NEK9: variants seen among roughly 807,000 people sequenced by gnomAD.
NEK9 encodes the protein NIMA related kinase 9.
NEK9 carries 75 observed loss-of-function variants against 123.4 expected under a neutral mutation model. That is an observed-to-expected ratio of 0.61 (90% CI 0.50 to 0.74). The LOEUF (loss-of-function observed/expected upper bound fraction) is 0.74, where lower values mean the gene tolerates loss of function less well. NEK9 is among the 30% of genes least tolerant of loss of function. The pLI, the probability that NEK9 is intolerant of heterozygous loss-of-function variation, is 0.00. For synonymous variants in NEK9, 438 were observed against 458.7 expected (o/e 0.95, Z 0.58); for missense variants, 952 against 1,214.4 (o/e 0.78, Z 3.21).
chr14:75,091,049 T>G (rs1894198734), intron 19 of NEK9, among the ~76,000 whole-genome samples: 1 of 152,216 alleles, frequency 6.6e-6, no homozygotes, highest in South Asian at 2.1e-4. Context: ...TTATAATACA[T>G]TCACTTAAGT....
intron 14 of NEK9, among the ~76,000 whole-genome samples, chr14:75,102,513 G>GTTT (rs35499335): frequency 1.4e-5 from 2 of 146,146 alleles, no homozygotes; most frequent in Non-Finnish European, 3.0e-5. Flanking sequence ...ACACCTGGCT[G>GTTT]TTTTTTTTTT....
intron 19 of NEK9, among the ~76,000 whole-genome samples, chr14:75,090,269 T>C (rs1429184672): frequency 6.6e-6 from 1 of 151,522 alleles, no homozygotes; most frequent in African/African-American, 2.4e-5. Flanking sequence ...GGAGCCATCA[T>C]GCTCGGTCTT....
At position 75,088,539 on chromosome 14, in the gene NEK9, G is replaced by C. The variant is rs555962390; in HGVS notation, c.2545C>G (p.Gln849Glu). The C allele has an allele frequency of 1.2e-6, 2 of 1,614,100 alleles. No homozygotes were observed. Among genetic ancestry groups the C allele is most frequent in the Non-Finnish European group, 1.7e-6 (2 of 1,179,988 alleles). The change falls in exon 20 of 22, where the codon CAA becomes GAA. Residue 849 changes from glutamine to glutamate, a missense_variant. By Grantham distance (29) the Gln-to-Glu change is conservative. Coordinates refer to ENST00000238616, the MANE Select transcript of NEK9 (RefSeq NM_033116.6). ...EKDTLPYEEL[Q>E]GLKVASEAPL... is the part of the protein sequence containing the mutation. ...GCTTCAGAGGCCACTTTGAGTCCTT[G>C]CAGCTCTTCATAGGGCAGGGTATCT...
Position 75,101,035 on chromosome 14 carries a change from G to A in NEK9, c.1959C>T (p.Ile653=). The A allele has an allele frequency of 6.2e-7, 1 of 1,614,122 alleles. No homozygotes were observed. The highest frequency in any genetic ancestry group is 1.1e-5 in the South Asian group (1 of 91,086). ...TAAACTCATCACCGCAGGAGACCCT[G>A]ATCACTTGCTTCCCACCAAGGGGTC... ...LGGPLGGKQV[I]RVSCGDEFTI... is the part of the protein sequence containing the mutation. The change falls in exon 16 of 22, where the codon ATC becomes ATT. Residue 653 remains isoleucine, a synonymous_variant. Coordinates refer to ENST00000238616, the MANE Select transcript of NEK9 (RefSeq NM_033116.6).
At chr14:75,114,022 T>C (rs1232171776) in intron 7 of NEK9, among the ~76,000 whole-genome samples, 181 bp downstream of exon 7, 5 of 152,192 alleles carry the variant, frequency 3.3e-5, no homozygotes, top group Non-Finnish European at 7.3e-5. Context: ...AAGTAAGAAT[T>C]TGTTCACTGA....
intron 2 of NEK9, 132 bp downstream of exon 2, chr14:75,123,914 G>T: frequency 1.3e-6 from 1 of 767,376 alleles, no homozygotes; most frequent in Non-Finnish European, 1.9e-6. Context: ...GGCCTGAAAA[G>T]TTTCTCTTAA....
chr14:75,101,186 C>A lies in NEK9; in HGVS notation c.1841-33G>T, dbSNP rs200300897. Reference sequence around the variant, plus strand: ...AGAAGCAAAAAGAAATAACAAGGCACAAATGAGTCCTGGAACCCAGAGAAG... The same window carrying A: ...AGAAGCAAAAAGAAATAACAAGGCAAAAATGAGTCCTGGAACCCAGAGAAG... On this transcript the variant is annotated intron_variant, in intron 15 of 21. Coordinates refer to ENST00000238616, the MANE Select transcript of NEK9 (RefSeq NM_033116.6). 1.9e-5 allele frequency: 31 copies of A among 1,595,716 alleles called. No homozygotes were observed. The Admixed American group carries it at 5.5e-4, about 28-fold the overall frequency.
At position 75,087,212 on chromosome 14, in the gene NEK9, C is replaced by A. The variant is rs1894056552; in HGVS notation, c.2623G>T (p.Ala875Ser). Residue 875 changes from alanine to serine, a missense_variant, in exon 21 of 22, where the codon GCA becomes TCA. By Grantham distance (99) the Ala-to-Ser change is moderately conservative (BLOSUM62 1). This residue lies in a region of NEK9 where 698 missense variants were observed against 875.6 expected (regional missense o/e 0.80). Coordinates refer to ENST00000238616, the MANE Select transcript of NEK9 (RefSeq NM_033116.6). ...VEASSPRLNP[A>S]VTCAGKGTPL... is the part of the protein sequence containing the mutation. ...GTTCCCTTCCCAGCACAGGTTACTG[C>A]AGGATTCAGCCGAGGTGACTAGAGA... is the stretch of plus-strand genomic sequence containing the variant. 1 of 1,611,586 alleles carries A rather than the reference C, an allele frequency of 6.2e-7. No individual in the cohort carries two copies. Among genetic ancestry groups the A allele is most frequent in the Non-Finnish European group, 8.5e-7 (1 of 1,178,026 alleles).
Position 75,126,912 on chromosome 14 carries a change from G to A in NEK9, c.10C>T (p.Leu4=), listed in dbSNP as rs905317585. The change falls in exon 1 of 22, where the codon CTG becomes TTG. Residue 4 remains leucine (L), a synonymous_variant. Coordinates refer to ENST00000238616, the MANE Select transcript of NEK9 (RefSeq NM_033116.6). The part of the protein sequence containing the change: MSV[L]GEYERHCDSI... ...TCGCAGTGTCGCTCGTACTCGCCCA[G>A]CACCGACATGGCGGCGGCCGCGGGC... 4.1e-6 allele frequency: 6 copies of A among 1,478,728 alleles called. No individual in the cohort carries two copies. Among genetic ancestry groups the A allele is most frequent in the Non-Finnish European group, 4.5e-6 (5 of 1,109,722 alleles). The allele number at this position is 1,478,728 out of a possible 1,614,324, so 91.6% of individuals were successfully genotyped here. A position where few individuals can be genotyped will look rare whatever the true frequency, so the allele number is the denominator to read the frequency against.
rs372221809 is a variant in NEK9 at position 75,126,878 on chromosome 14, T to A, written c.44A>T (p.Asn15Ile). 1.4e-5 allele frequency: 22 copies of A among 1,524,228 alleles called. No homozygotes were observed. In the African/African-American group the frequency reaches 2.7e-4, roughly 19 times the overall value. 94.4% of individuals were successfully genotyped at this position (1,524,228 alleles called of 1,614,324 possible). A position where few individuals can be genotyped will look rare whatever the true frequency, so the allele number is the denominator to read the frequency against. ...CCCGGACTCGCTCCCAAAGTCCGAG[T>A]TGATGGAATCGCAGTGTCGCTCGTA... ...GEYERHCDSI[N>I]SDFGSESGGC... Residue 15 changes from asparagine to isoleucine, a missense_variant, in exon 1 of 22, where the codon AAC (asparagine) becomes ATC (isoleucine). Around this residue, in one of 4 missense-constraint regions of NEK9, gnomAD observed 120 missense variants for 97.6 expected, o/e 1.23. Coordinates refer to ENST00000238616, the MANE Select transcript of NEK9 (RefSeq NM_033116.6).
At chr14:75,112,027 G>A (rs985821868) in intron 8 of NEK9, among the ~76,000 whole-genome samples, 1 of 152,148 alleles carries the variant, frequency 6.6e-6, no homozygotes, top group African/African-American at 2.4e-5. Flanking sequence ...TAAATGGAAG[G>A]TCATGGTGCT....
intron 20 of NEK9, among the ~76,000 whole-genome samples, chr14:75,088,070 A>C (rs1316399168): frequency 6.6e-6 from 1 of 152,236 alleles, no homozygotes; most frequent in African/African-American, 2.4e-5. Context: ...ACCTTGGATT[A>C]TAGTTTTACT....
At chr14:75,113,804 A>C (rs1895038075) in intron 7 of NEK9, among the ~76,000 whole-genome samples, 2 of 152,196 alleles carry the variant, frequency 1.3e-5, no homozygotes, top group Non-Finnish European at 2.9e-5. Flanking sequence ...CCAGTGTTTC[A>C]TGAAACATAC....
At chr14:75,116,432 A>G (rs1297857588) in intron 6 of NEK9, 40 of 285,872 alleles carry the variant, frequency 1.4e-4, no homozygotes, top group South Asian at 7.0e-4. Flanking sequence ...AGTGAGACCC[A>G]AATAAAACAA....
At chr14:75,105,406 G>A (rs889263508) in intron 13 of NEK9, among the ~76,000 whole-genome samples, 2 of 152,174 alleles carry the variant, frequency 1.3e-5, no homozygotes, top group Non-Finnish European at 2.9e-5. Flanking sequence ...TGTGCCCTAG[G>A]GTAGGTGGGA....
intron 6 of NEK9, 144 bp from the exon 7 acceptor site, chr14:75,114,457 CA>C (rs926977672): frequency 3.3e-3 from 1,897 of 569,968 alleles, no homozygotes; most frequent in East Asian, 3.7e-3. Context: ...TAGTATGCAT[CA>C]AAAAAAAATG....
At chr14:75,103,168 T>C (rs563656697) in intron 14 of NEK9, among the ~76,000 whole-genome samples, 1 of 150,904 alleles carries the variant, frequency 6.6e-6, no homozygotes, top group South Asian at 2.1e-4. Flanking sequence ...GTTGTGCACA[T>C]GTACCCTAGA....
At chr14:75,106,301 A>G (rs1894770259) in intron 12 of NEK9, 5 of 592,052 alleles carry the variant, frequency 8.4e-6, no homozygotes, top group South Asian at 8.2e-5. Context: ...GGTGGTTGCA[A>G]TGAGCCCAGA....
At chr14:75,095,808 T>C (rs754144152) in intron 17 of NEK9, among the ~76,000 whole-genome samples, 2 of 152,022 alleles carry the variant, frequency 1.3e-5, no homozygotes, top group Non-Finnish European at 2.9e-5. Context: ...GAGGATCAAT[T>C]GAGCCTGGGA....
Sources: gnomAD v4.1 joint callset for allele counts (sites outside exome capture counted in the v4.1 genomes callset) on GRCh38, gnomAD v4.1.1 for gene constraint, gnomAD v4.1.1 regional missense constraint, MANE v1.5 for transcripts, NCBI Gene and HGNC (gene_info 2026-07-23, HGNC 2026-07-21) for gene names.